The following TAF3 variants were observed in gnomAD, a reference collection of about 807,000 sequenced individuals.
TAF3 encodes transcription initiation factor TFIID subunit 3.
A neutral mutation model predicts 80.6 loss-of-function variants in TAF3; 7 were observed. The observed-to-expected ratio is 0.09, with a 90% CI of 0.05 to 0.16. TAF3 has a LOEUF of 0.16. Ranked by LOEUF, TAF3 falls within the 10% of genes least tolerant of loss-of-function variation. The probability of loss-of-function intolerance (pLI) is 1.00; values close to 1 mark genes in which losing one functional copy is unlikely to be tolerated. For missense variants in TAF3, 921 were observed against 1,140.2 expected (o/e 0.81, Z 2.77); for synonymous variants, 444 against 446.1 (o/e 1.00, Z 0.06).
chr10:7,994,601 A>G (rs947871831), intron 4 of TAF3, among the ~76,000 whole-genome samples: 1 of 152,136 alleles, frequency 6.6e-6, no homozygotes, highest in Non-Finnish European at 1.5e-5. Context: ...CTCCCACCTC[A>G]GCCTCCCAAA....
intron 2 of TAF3, among the ~76,000 whole-genome samples, chr10:7,837,182 G>A (rs1271823084): frequency 1.3e-5 from 2 of 152,212 alleles, no homozygotes; most frequent in Admixed American, 6.5e-5. Context: ...GGCCAACAGG[G>A]TGAAATCCTG....
intron 2 of TAF3, among the ~76,000 whole-genome samples, chr10:7,865,514 CAG>C (rs1425208581): frequency 6.6e-6 from 1 of 151,322 alleles, no homozygotes; most frequent in Non-Finnish European, 1.5e-5. Flanking sequence ...AAGAAACAAA[CAG>C]AAAGTAGGGG....
chr10:7,968,133 A>G (rs1012508045), intron 3 of TAF3, among the ~76,000 whole-genome samples: 19 of 152,182 alleles, frequency 1.2e-4, no homozygotes, highest in African/African-American at 4.6e-4. Context: ...CAAAGGTTAA[A>G]CTAAAGTGAG....
intron 2 of TAF3, among the ~76,000 whole-genome samples, chr10:7,921,174 C>T (rs1837759117): frequency 6.6e-6 from 1 of 151,816 alleles, no homozygotes; most frequent in African/African-American, 2.4e-5. Context: ...TTAATAATGT[C>T]TACTATCTGA....
intron 2 of TAF3, among the ~76,000 whole-genome samples, chr10:7,834,840 A>G (rs1237525893): frequency 4.6e-5 from 7 of 152,314 alleles, no homozygotes; most frequent in South Asian, 2.1e-4. Flanking sequence ...ATTCTGTCCT[A>G]TGAAACCAAT....
rs372902098 is a variant in TAF3 at position 7,999,458 on chromosome 10, GT to G, written c.2316-9604del. ...AAAAAAGAAAGAAAGAAAGAAAGAA[GT>G]TTTTTTTTTTTTTTTGAGATGGAGT... On this transcript the variant is annotated intron_variant, in intron 4 of 6. Coordinates refer to ENST00000344293, the MANE Select transcript of TAF3 (RefSeq NM_031923.4). Among the ~76,000 whole-genome samples the G allele has an allele frequency of 3.8e-3, 502 of 133,072 alleles. 2 individuals carry two copies. Among genetic ancestry groups the G allele is most frequent in the Middle Eastern group, 7.9e-3 (2 of 252 alleles). 87.3% of individuals were successfully genotyped at this position (133,072 alleles called of 152,430 possible). A position where few individuals can be genotyped will look rare whatever the true frequency, so the allele number is the denominator to read the frequency against.
chr10:7,824,252 T>C (rs1245814983), intron 1 of TAF3, 66 bp from the exon 2 acceptor site: 10 of 1,535,088 alleles, frequency 6.5e-6, no homozygotes, highest in African/African-American at 1.4e-5. Context: ...TACTTTTTCT[T>C]AATATTTAAA....
chr10:7,989,827 A>G (rs970759144), intron 4 of TAF3, among the ~76,000 whole-genome samples: 3 of 152,198 alleles, frequency 2.0e-5, no homozygotes, highest in African/African-American at 7.2e-5. Flanking sequence ...GGTGACTGGT[A>G]CTGGTCCATT....
At chr10:7,841,147 G>C (rs548697358) in intron 2 of TAF3, among the ~76,000 whole-genome samples, 1 of 152,180 alleles carries the variant, frequency 6.6e-6, no homozygotes, top group Non-Finnish European at 1.5e-5. Context: ...TGCCGCGCCC[G>C]GCCTAGAGCT....
chr10:7,917,810 A>T (rs771238322), intron 2 of TAF3, among the ~76,000 whole-genome samples: 1 of 152,210 alleles, frequency 6.6e-6, no homozygotes, highest in Non-Finnish European at 1.5e-5. Flanking sequence ...GTTATATAAG[A>T]TGAAAACTGA....
chr10:7,910,329 C>A (rs539247103), intron 2 of TAF3, among the ~76,000 whole-genome samples: 2 of 152,224 alleles, frequency 1.3e-5, no homozygotes, highest in East Asian at 3.9e-4. Flanking sequence ...AACATACAAA[C>A]ATCTAAATAT....
intron 4 of TAF3, among the ~76,000 whole-genome samples, chr10:8,004,827 T>G (rs1360375908): frequency 6.6e-6 from 1 of 152,226 alleles, no homozygotes; most frequent in African/African-American, 2.4e-5. Context: ...GTATCTTTCG[T>G]CAGTTCTGTA....
At chr10:7,883,476 C>T (rs192639187) in intron 2 of TAF3, among the ~76,000 whole-genome samples, 24 of 152,260 alleles carry the variant, frequency 1.6e-4, no homozygotes, top group Non-Finnish European at 3.1e-4. Context: ...CCAGATTTCT[C>T]CATTGTCAAG....
intron 2 of TAF3, among the ~76,000 whole-genome samples, chr10:7,837,618 G>A (rs545274999): frequency 6.6e-6 from 1 of 152,298 alleles, no homozygotes; most frequent in South Asian, 2.1e-4. Flanking sequence ...ACTCCAGCCT[G>A]GGCAAAAGAG....
chr10:7,840,870 A>G (rs527997821), intron 2 of TAF3, among the ~76,000 whole-genome samples: 1 of 147,590 alleles, frequency 6.8e-6, no homozygotes, highest in Non-Finnish European at 1.5e-5. Flanking sequence ...TTTTTTTGAG[A>G]TGGAGTTTTG....
chr10:7,889,562 G>C (rs1837439908), intron 2 of TAF3, among the ~76,000 whole-genome samples: 1 of 152,170 alleles, frequency 6.6e-6, no homozygotes, highest in African/African-American at 2.4e-5. Context: ...AACCACTCTT[G>C]GGCAGGGCTA....
chr10:7,840,544 GT>G (rs926140305), intron 2 of TAF3, among the ~76,000 whole-genome samples: 1 of 151,146 alleles, frequency 6.6e-6, no homozygotes, highest in Non-Finnish European at 1.5e-5. Context: ...AAAAAGATTG[GT>G]TTTTTTTCTA....
At position 7,920,069 on chromosome 10, in the gene TAF3, G is replaced by A. The variant is rs146103486; in HGVS notation, c.410-43851G>A. Among the ~76,000 whole-genome samples, 4 of 151,966 alleles carry A rather than the reference G, an allele frequency of 2.6e-5. No homozygotes were observed. The East Asian group carries it at 7.7e-4, about 29-fold the overall frequency. The stretch of plus-strand genomic sequence containing the variant: ...AAGACCAGCCTGGGCAACGTAGGGA[G>A]ACCCATTCTACAGAAAATAAAAATA... On this transcript the variant is annotated intron_variant, in intron 2 of 6. Coordinates refer to ENST00000344293, the MANE Select transcript of TAF3 (RefSeq NM_031923.4).
intron 2 of TAF3, among the ~76,000 whole-genome samples, chr10:7,872,428 C>G (rs2131146781): frequency 6.6e-6 from 1 of 152,028 alleles, no homozygotes; most frequent in East Asian, 1.9e-4. Context: ...GAACTGTTGC[C>G]TATTAAAATA....
Sources: allele counts gnomAD v4.1 joint callset (sites outside exome capture counted in the v4.1 genomes callset), GRCh38; gene constraint gnomAD v4.1.1; transcripts MANE v1.5; gene names NCBI Gene and HGNC (gene_info 2026-07-23, HGNC 2026-07-21).